The following CUL4B variants were observed in gnomAD, a reference collection of about 807,000 sequenced individuals.
CUL4B encodes cullin 4B, also known as cullin-4B.
Under a neutral mutation model 69.2 loss-of-function variants are expected in CUL4B, and 1 was observed. The observed-to-expected ratio is 0.01, with a 90% CI of 0.01 to 0.07. The LOEUF is 0.07. Among genes scored for constraint, CUL4B ranks in the 10% least tolerant of loss-of-function variants. The pLI is 1.00. For missense variants in CUL4B, 328 were observed against 638.8 expected, an observed-to-expected ratio of 0.51 and a Z score of 5.24; for synonymous variants, 237 against 223.2, an observed-to-expected ratio of 1.06 and a Z score of -0.55.
At chrX:120,566,811 T>C (rs927254986), downstream of CUL4B, among the ~76,000 whole-genome samples, 1 of 111,562 alleles carries the variant, frequency 9.0e-6, no homozygotes, top group Non-Finnish European at 1.9e-5. Context: ...CTGTCATACC[T>C]GTGAACCATC....
In CUL4B at chrX:120,526,286, G is replaced by A. The variant is rs761902157; in HGVS notation, c.*475C>T. 2.7e-5 allele frequency: 3 copies of A among 113,130 alleles called. No homozygotes were observed. Among genetic ancestry groups the A allele is most frequent in the Non-Finnish European group, 3.7e-5 (2 of 53,804 alleles). 9.3% of individuals were successfully genotyped at this position (113,130 alleles called of 1,213,427 possible). ...CTCTTTTCAAGGGAAATCACAAAACGGGTGAACAACCAAGTCAAGGGTGGT... is the reference window on the plus strand; with the variant it reads ...CTCTTTTCAAGGGAAATCACAAAACAGGTGAACAACCAAGTCAAGGGTGGT... On this transcript the variant is annotated 3_prime_UTR_variant, in exon 20 of 20. Transcript: ENST00000371322.
chrX:120,543,094 C>T, intron 8 of CUL4B, 61 bp from the exon 9 acceptor site: 2 of 745,133 alleles, frequency 2.7e-6, no homozygotes, highest in Non-Finnish European at 4.1e-6. Context: ...AATGTAAAGC[C>T]TCTCCTGAGG....
rs1413717127 is a variant in CUL4B, at chrX:120,546,602, C to T, written c.791G>A (p.Ser264Asn). The change falls in exon 4 of 20, where the codon AGC (serine) becomes AAC (asparagine). Residue 264 changes from serine to asparagine, a missense_variant. Ser to Asn is a conservative substitution (Grantham distance 46). Coordinates refer to ENST00000371322, the MANE Select transcript of CUL4B (RefSeq NM_001079872.2). ...IHQFREDSLD[S>N]VLFLKKIDRC... ...ATCAATCTTCTTTAAAAAAAGAACG[C>T]TATCCAATGAATCCCTGAAACATAT... 1 of 1,189,339 alleles carries T rather than the reference C, an allele frequency of 8.4e-7. No homozygotes were observed. The highest frequency in any genetic ancestry group is 1.8e-5 in the African/African-American group (1 of 56,600).
intron 2 of CUL4B, among the ~76,000 whole-genome samples, chrX:120,549,935 A>G (rs1447481366): frequency 9.0e-6 from 1 of 111,397 alleles, no homozygotes; most frequent in East Asian, 2.8e-4. Context: ...CACATTGTGC[A>G]CTTCCGGTAC....
intron 2 of CUL4B, chrX:120,574,458 A>C (rs1383153919): frequency 1.3e-6 from 1 of 743,863 alleles, no homozygotes; most frequent in East Asian, 3.4e-5. Flanking sequence ...TCGGCCTCCC[A>C]AAGTGCTGGG....
chrX:120,554,010 T>A (rs1924831856), intron 2 of CUL4B, among the ~76,000 whole-genome samples: 1 of 111,493 alleles, frequency 9.0e-6, no homozygotes, highest in Non-Finnish European at 1.9e-5. Flanking sequence ...TGAAGCACAT[T>A]TGGAATGTAA....
At chrX:120,539,190 C>T (rs1923843058) in intron 12 of CUL4B, 78 bp downstream of exon 12, 2 of 546,964 alleles carry the variant, frequency 3.7e-6, no homozygotes, top group Admixed American at 7.5e-5. Flanking sequence ...ATATTCCCTC[C>T]AGTTTGAATA....
exon 3 of CUL4B, chrX:120,571,688 A>T (rs745496294): frequency 9.0e-6 from 1 of 111,616 alleles, no homozygotes; most frequent in South Asian, 3.8e-4. Context: ...AACTGTTTAC[A>T]GGTGACCCTT....
intron 16 of CUL4B, among the ~76,000 whole-genome samples, chrX:120,535,269 G>A (rs1036040664): frequency 4.5e-5 from 5 of 111,404 alleles, no homozygotes; most frequent in African/African-American, 9.8e-5. Flanking sequence ...AAGGGTAGGG[G>A]GAAAGTTCAC....
chrX:120,572,659 A>T (rs892539288), intron 2 of CUL4B, among the ~76,000 whole-genome samples: 1 of 110,622 alleles, frequency 9.0e-6, no homozygotes, highest in Non-Finnish European at 1.9e-5. Context: ...TGCTTTTTTT[A>T]AAAAAAGGAT....
At chrX:120,539,438 T>A in intron 11 of CUL4B, 66 bp from the exon 12 acceptor site, 1 of 599,289 alleles carries the variant, frequency 1.7e-6, no homozygotes, top group Non-Finnish European at 2.7e-6. Context: ...GCACTATATA[T>A]ACCCAAAGAG....
At position 120,560,355 on chromosome X, in the gene CUL4B, A is replaced by G. The variant is rs1168616770; in HGVS notation, c.284T>C (p.Val95Ala). The G allele has an allele frequency of 8.3e-7, 1 of 1,206,535 alleles. No homozygotes were observed. The highest frequency in any genetic ancestry group is 1.8e-5 in the African/African-American group (1 of 56,997). Residue 95 changes from valine to alanine, a missense_variant, in exon 1 of 20, where the codon GTA (valine) becomes GCA (alanine). By Grantham distance (64) the Val-to-Ala change is moderately conservative. Transcript: ENST00000371322. Reference protein sequence around the residue: ...LGVSVAASSHVPIQKKLRFED... With the variant: ...LGVSVAASSHAPIQKKLRFED... ...AAAACGCAGCTTCTTCTGTATCGGT[A>G]CGTGGCTGGAAGCAGCCACTGAAAC...
At chrX:120,543,865 T>C in intron 7 of CUL4B, 56 bp from the exon 8 acceptor site, 1 of 918,171 alleles carries the variant, frequency 1.1e-6, no homozygotes, top group Admixed American at 2.2e-5. Context: ...ATTCAGAAAA[T>C]GTCAAGTCCA....
rs1924258472 is a variant in CUL4B at position 120,545,462 on chromosome X, G to A, written c.902C>T (p.Ser301Leu). 1 of 1,176,349 alleles carries A rather than the reference G, an allele frequency of 8.5e-7. No individual in the cohort carries two copies. Among genetic ancestry groups the A allele is most frequent in the Non-Finnish European group, 1.1e-6 (1 of 871,373 alleles). Residue 301 changes from serine (S) to leucine (L), a missense_variant, in exon 5 of 20, where the codon TCA becomes TTA. Ser to Leu is a moderately radical substitution (Grantham distance 145). This residue lies in a region of CUL4B where 126 missense variants were observed against 202.5 expected (regional missense o/e 0.62). Transcript: ENST00000371322. ...TCCTTACCAAATGGAGGGTAGCATT[G>A]AATTCTGAAGAACGTAAGTTCTATC... The part of the protein sequence containing the change: ...FLDRTYVLQN[S>L]MLPSIWDMGL...
At chrX:120,544,745 A>C in intron 5 of CUL4B, 102 bp from the exon 6 acceptor site, 6 of 630,416 alleles carry the variant, frequency 9.5e-6, no homozygotes, top group Non-Finnish European at 1.5e-5. Context: ...TTAGGGCTCC[A>C]GGGCTTTGAA....
At chrX:120,568,199 A>T (rs1231093483), downstream of CUL4B, among the ~76,000 whole-genome samples, 2 of 111,042 alleles carry the variant, frequency 1.8e-5, no homozygotes, top group African/African-American at 3.3e-5. Flanking sequence ...CCACTGCAAT[A>T]GGGAGTGGTG....
intron 4 of CUL4B, 87 bp downstream of exon 4, chrX:120,546,460 T>C (rs1417384916): frequency 2.9e-5 from 22 of 769,108 alleles, no homozygotes; most frequent in Admixed American, 7.7e-5. Context: ...TTGCTAAGTT[T>C]TAAAAACTAA....
chrX:120,548,679 C>A (rs1389226638), intron 2 of CUL4B, among the ~76,000 whole-genome samples: 1 of 109,270 alleles, frequency 9.2e-6, no homozygotes, highest in Non-Finnish European at 1.9e-5. Context: ...ACTAAAAATA[C>A]AAAAATTAGC....
intron 14 of CUL4B, among the ~76,000 whole-genome samples, chrX:120,537,876 G>C (rs1016368478): frequency 9.0e-6 from 1 of 111,430 alleles, no homozygotes; most frequent in Non-Finnish European, 1.9e-5. Context: ...AGCTCTTCTT[G>C]TACTGACTTC....
Sources: allele counts gnomAD v4.1 joint callset (sites outside exome capture counted in the v4.1 genomes callset), GRCh38; gene constraint gnomAD v4.1.1; regional missense constraint gnomAD v4.1.1; transcripts MANE v1.5; gene names NCBI Gene and HGNC (gene_info 2026-07-23, HGNC 2026-07-21).